SLC25A21: variants seen among roughly 807,000 people sequenced by gnomAD.
The protein encoded by SLC25A21 is solute carrier family 25 member 21.
In SLC25A21, 47 loss-of-function variants were observed where a neutral mutation model predicts 43.8. The ratio of observed to expected loss-of-function variants is 1.07; its 90% CI spans 0.85 to 1.37. SLC25A21 has a LOEUF of 1.37. Among genes scored for constraint, SLC25A21 ranks in the 40% most tolerant of loss-of-function variants. The probability of loss-of-function intolerance (pLI) is 0.00; values close to 1 mark genes in which losing one functional copy is unlikely to be tolerated. For missense variants in SLC25A21, 352 were observed against 350.2 expected (o/e 1.00, Z -0.04); for synonymous variants, 131 against 121.3 (o/e 1.08, Z -0.52).
intron 1 of SLC25A21, among the ~76,000 whole-genome samples, chr14:36,965,588 T>C (rs945058362): frequency 6.6e-6 from 1 of 152,170 alleles, no homozygotes; most frequent in Non-Finnish European, 1.5e-5. Flanking sequence ...TAGACATACT[T>C]TCCAAATAAG....
intron 2 of SLC25A21, among the ~76,000 whole-genome samples, chr14:36,866,933 A>G (rs1460754435): frequency 2.0e-5 from 3 of 152,208 alleles, no homozygotes; most frequent in Admixed American, 2.0e-4. Flanking sequence ...TATTATTAGA[A>G]TTAATTTTAC....
At chr14:37,103,987 C>G (rs1962865291) in intron 1 of SLC25A21, among the ~76,000 whole-genome samples, 1 of 152,162 alleles carries the variant, frequency 6.6e-6, no homozygotes, top group South Asian at 2.1e-4. Flanking sequence ...AAAGAAGGAC[C>G]ATTTCTGTGC....
At chr14:36,971,533 G>C (rs747613521) in intron 1 of SLC25A21, among the ~76,000 whole-genome samples, 1 of 151,978 alleles carries the variant, frequency 6.6e-6, no homozygotes, top group African/African-American at 2.4e-5. Context: ...GCCAATCTGC[G>C]GGCCCTAGAT....
chr14:36,691,849 T>C (rs1882808061), intron 7 of SLC25A21, among the ~76,000 whole-genome samples: 2 of 152,240 alleles, frequency 1.3e-5, no homozygotes. Context: ...ATTTTTCTTA[T>C]AAATCATGTG....
At chr14:37,082,307 G>A (rs760323318) in intron 1 of SLC25A21, among the ~76,000 whole-genome samples, 26 of 152,106 alleles carry the variant, frequency 1.7e-4, no homozygotes, top group Non-Finnish European at 3.1e-4. Flanking sequence ...CAGGATGACA[G>A]GATCCATACT....
At chr14:36,690,619 G>A (rs565701973) in intron 7 of SLC25A21, among the ~76,000 whole-genome samples, 5 of 152,298 alleles carry the variant, frequency 3.3e-5, no homozygotes, top group African/African-American at 9.6e-5. Flanking sequence ...TGGATATGAA[G>A]GTAAATGGTC....
intron 1 of SLC25A21, among the ~76,000 whole-genome samples, chr14:36,977,650 C>T (rs11622957): frequency 0.29 from 43,326 of 151,702 alleles, 7,503 homozygotes; most frequent in African/African-American, 0.49. Flanking sequence ...GCAAGGGGGG[C>T]CTTGTAAAAA....
intron 2 of SLC25A21, among the ~76,000 whole-genome samples, chr14:36,851,633 C>T (rs777568924): frequency 6.6e-6 from 1 of 152,106 alleles, no homozygotes; most frequent in East Asian, 1.9e-4. Context: ...CAATAAGCTA[C>T]ACAAAAAATG....
chr14:37,032,073 T>C (rs1961222632), intron 1 of SLC25A21, among the ~76,000 whole-genome samples: 1 of 152,146 alleles, frequency 6.6e-6, no homozygotes, highest in Admixed American at 6.6e-5. Flanking sequence ...ATTTCTTTCA[T>C]TGTAGGCCTT....
rs144177274 is a variant in SLC25A21, at chr14:36,746,025, C to A, written c.204-11452G>T. Among the ~76,000 whole-genome samples the A allele has an allele frequency of 9.5e-3, 1,452 of 152,156 alleles. 15 individuals carry two copies. The highest frequency in any genetic ancestry group is 0.016 in the Non-Finnish European group (1,113 of 67,986). On this transcript the variant is annotated intron_variant, in intron 3 of 9. Coordinates refer to ENST00000331299, the MANE Select transcript of SLC25A21 (RefSeq NM_030631.4). ...CTGGTGGAAATGTAAAATATTACAA[C>A]CTCTATGGAAAACAGGATGGAGATT... is the stretch of plus-strand genomic sequence containing the variant.
At chr14:36,904,442 G>A (rs1464992071) in intron 1 of SLC25A21, among the ~76,000 whole-genome samples, 2 of 152,176 alleles carry the variant, frequency 1.3e-5, no homozygotes, top group African/African-American at 2.4e-5. Flanking sequence ...AGGAGAAAGA[G>A]CCTCTAGGAA....
intron 3 of SLC25A21, among the ~76,000 whole-genome samples, chr14:36,742,324 C>T (rs750124038): frequency 6.6e-6 from 1 of 152,184 alleles, no homozygotes; most frequent in East Asian, 1.9e-4. Context: ...ACGAAGTCCA[C>T]GCTCAACCCT....
Position 37,161,389 on chromosome 14 carries a change from G to A in SLC25A21, c.70+10892C>T, listed in dbSNP as rs75947156. On this transcript the variant is annotated intron_variant, in intron 1 of 9. Coordinates refer to ENST00000331299, the MANE Select transcript of SLC25A21 (RefSeq NM_030631.4). ...GAGTGAGGAACTTTTCAGAAAGGTTGACCATGAAAAGAGGAACACAGGACC... is the reference window on the plus strand; with the variant it reads ...GAGTGAGGAACTTTTCAGAAAGGTTAACCATGAAAAGAGGAACACAGGACC... Among the ~76,000 whole-genome samples the A allele has an allele frequency of 5.0e-3, 767 of 152,236 alleles. 13 individuals are homozygous for A. In the East Asian group the frequency reaches 0.055, roughly 11 times the overall value.
intron 1 of SLC25A21, among the ~76,000 whole-genome samples, chr14:36,981,480 C>T (rs923188890): frequency 3.9e-5 from 6 of 152,316 alleles, no homozygotes; most frequent in African/African-American, 1.4e-4. Context: ...AAATGTGGCA[C>T]ATATACACCA....
At position 36,683,713 on chromosome 14, in the gene SLC25A21, G is replaced by A. The variant is rs1304839882; in HGVS notation, c.838+115C>T. The A allele has an allele frequency of 4.5e-6, 3 of 662,058 alleles. No homozygotes were observed. In the East Asian group the frequency reaches 8.5e-5, roughly 19 times the overall value. 41.0% of individuals were successfully genotyped at this position (662,058 alleles called of 1,614,324 possible). A position where few individuals can be genotyped will look rare whatever the true frequency, so the allele number is the denominator to read the frequency against. ...CTCATAGACAACTTTATATTCTCAA[G>A]GTTTCTGTCTTTTACAAAGTGGTAA... On this transcript the variant is annotated intron_variant, in intron 9 of 9. Transcript: ENST00000331299.
At chr14:36,853,542 G>C (rs180768135) in intron 2 of SLC25A21, among the ~76,000 whole-genome samples, 2 of 152,132 alleles carry the variant, frequency 1.3e-5, no homozygotes, top group African/African-American at 2.4e-5. Flanking sequence ...CTACCAGCCC[G>C]GGTCATCAGC....
intron 1 of SLC25A21, among the ~76,000 whole-genome samples, chr14:36,906,328 T>A (rs1024041350): frequency 6.6e-6 from 1 of 151,994 alleles, no homozygotes; most frequent in Non-Finnish European, 1.5e-5. Flanking sequence ...TTCCCCCAAA[T>A]CAGAGAGAAT....
chr14:37,096,121 A>G (rs1047222268), intron 1 of SLC25A21, among the ~76,000 whole-genome samples: 5 of 152,178 alleles, frequency 3.3e-5, no homozygotes, highest in Admixed American at 3.3e-4. Context: ...AAATATACCA[A>G]CTAAATGCTA....
chr14:36,907,015 T>C (rs1045962856), intron 1 of SLC25A21, among the ~76,000 whole-genome samples: 15 of 152,194 alleles, frequency 9.9e-5, no homozygotes, highest in South Asian at 6.2e-4. Context: ...TTGGGGATCA[T>C]TGGAAAAATG....
Sources: allele counts gnomAD v4.1 joint callset (sites outside exome capture counted in the v4.1 genomes callset), GRCh38; gene constraint gnomAD v4.1.1; transcripts MANE v1.5; gene names NCBI Gene and HGNC (gene_info 2026-07-23, HGNC 2026-07-21).